The following PDE10A variants were observed in gnomAD, a reference collection of about 807,000 sequenced individuals.
PDE10A encodes cAMP and cAMP-inhibited cGMP 3',5'-cyclic phosphodiesterase 10A.
PDE10A carries 39 observed loss-of-function variants against 97.7 expected under a neutral mutation model. The observed-to-expected ratio is 0.40, with a 90% confidence interval of 0.31 to 0.52. The LOEUF (loss-of-function observed/expected upper bound fraction) is 0.52, where lower values mean the gene tolerates loss of function less well. Among genes scored for constraint, PDE10A ranks in the 20% least tolerant of loss-of-function variants. The pLI is 0.56. For missense variants in PDE10A, 731 were observed against 1,047.8 expected, an observed-to-expected ratio of 0.70 and a Z score of 4.17; for synonymous variants, 371 against 376.8, an observed-to-expected ratio of 0.98 and a Z score of 0.18.
At chr6:165,911,960 AG>A (rs1218129120) in intron 1 of PDE10A, among the ~76,000 whole-genome samples, 13 of 152,110 alleles carry the variant, frequency 8.5e-5, no homozygotes, top group Non-Finnish European at 1.6e-4. Context: ...GTGGATATGA[AG>A]AATCTATAGA....
chr6:165,520,222 T>A (rs1485819176), intron 2 of PDE10A, among the ~76,000 whole-genome samples: 1 of 152,160 alleles, frequency 6.6e-6, no homozygotes, highest in Non-Finnish European at 1.5e-5. Context: ...AAAGGAAGAA[T>A]AGTTTGAAGC....
intron 1 of PDE10A, among the ~76,000 whole-genome samples, chr6:165,972,017 G>A (rs1231064273): frequency 6.6e-6 from 1 of 152,138 alleles, no homozygotes; most frequent in Admixed American, 6.5e-5. Context: ...AATAACAGAG[G>A]CTGCAGTCCA....
intron 1 of PDE10A, among the ~76,000 whole-genome samples, chr6:165,759,157 A>G (rs1016845861): frequency 3.3e-5 from 5 of 151,320 alleles, no homozygotes; most frequent in African/African-American, 1.2e-4. Flanking sequence ...AATATGAGGG[A>G]CTCTTTTCTG....
chr6:165,691,062 ACTCT>A (rs796474446), intron 1 of PDE10A, among the ~76,000 whole-genome samples: 1 of 102,316 alleles, frequency 9.8e-6, no homozygotes, highest in East Asian at 3.8e-4. Context: ...TTACAGTAAT[ACTCT>A]CTCTCTCTTT....
At chr6:165,369,293 G>T (rs1271880897) in intron 18 of PDE10A, among the ~76,000 whole-genome samples, 1 of 151,830 alleles carries the variant, frequency 6.6e-6, no homozygotes, top group Non-Finnish European at 1.5e-5. Flanking sequence ...GCTACGGGAG[G>T]ACATTCAAAC....
Position 165,708,040 on chromosome 6 carries a change from C to T in PDE10A, c.-614-164472G>A, listed in dbSNP as rs552599229. Among the ~76,000 whole-genome samples, 3 of 152,286 alleles carry T rather than the reference C, an allele frequency of 2.0e-5. No individual in the cohort carries two copies. In the South Asian group the frequency reaches 6.2e-4, roughly 32 times the overall value. ...CACAAACCAACCCTCTTGACTTCTG[C>T]CTCCTTGCCAGCTATCCTTCCATTT... On this transcript the variant is annotated intron_variant, in intron 1 of 19. Coordinates refer to the PDE10A transcript ENST00000366882.
intron 1 of PDE10A, among the ~76,000 whole-genome samples, chr6:165,728,555 T>C (rs1792353683): frequency 6.6e-6 from 1 of 152,168 alleles, no homozygotes; most frequent in African/African-American, 2.4e-5. Flanking sequence ...CCACGCAAGA[T>C]GGCAATATGA....
rs143692543 is a variant in PDE10A at position 165,392,616 on chromosome 6, G to A, written c.2454+30C>T. The A allele has an allele frequency of 2.9e-4, 470 of 1,595,878 alleles. 3 individuals carry two copies. The African/African-American group carries it at 4.8e-3, about 16-fold the overall frequency. On this transcript the variant is annotated intron_variant, in intron 16 of 21. Coordinates refer to ENST00000539869, the MANE Select transcript of PDE10A (RefSeq NM_001385079.1). ...ACAGTATTAAATCCACTGAGGTTAC[G>A]AGAAACAGAGGTAAAGAGTGCACAC... is the stretch of plus-strand genomic sequence containing the variant.
chr6:165,370,097 A>G lies in PDE10A; in HGVS notation c.2783+9097T>C, dbSNP rs547640501. Reference sequence around the variant, plus strand: ...GAAGGAAGCACTAAACATGGAAAGGAACAACCGGTACAGCCGCTGCAAAAT... The same window carrying G: ...GAAGGAAGCACTAAACATGGAAAGGGACAACCGGTACAGCCGCTGCAAAAT... On this transcript the variant is annotated intron_variant, in intron 18 of 21. Coordinates refer to ENST00000539869, the MANE Select transcript of PDE10A (RefSeq NM_001385079.1). Among the ~76,000 whole-genome samples the G allele has an allele frequency of 3.1e-3, 477 of 152,344 alleles. 8 individuals are homozygous for G. The highest frequency in any genetic ancestry group is 0.027 in the Admixed American group (414 of 15,298).
At chr6:165,556,912 G>C (rs1360877388) in intron 1 of PDE10A, among the ~76,000 whole-genome samples, 1 of 152,178 alleles carries the variant, frequency 6.6e-6, no homozygotes, top group Non-Finnish European at 1.5e-5. Context: ...GGCTGAGGCA[G>C]GTGGATCACC....
chr6:165,501,365 T>C (rs961939926), intron 2 of PDE10A, among the ~76,000 whole-genome samples: 2 of 152,008 alleles, frequency 1.3e-5, no homozygotes, highest in East Asian at 1.9e-4. Context: ...ATCGAGACCA[T>C]CCTGGCTAAC....
At chr6:165,632,100 T>C (rs1281500098) in intron 1 of PDE10A, among the ~76,000 whole-genome samples, 2 of 145,286 alleles carry the variant, frequency 1.4e-5, no homozygotes, top group Non-Finnish European at 3.0e-5. Context: ...CTTGGGAGGC[T>C]GAGGCAGGAG....
At position 165,696,611 on chromosome 6, in the gene PDE10A, G is replaced by C. The variant is rs367592771; in HGVS notation, c.-614-153043C>G. ...CTCTATCTGAAATGTTCAGTTTCAA[G>C]TGAACAACTATGAGATATGTAAGGA... On this transcript the variant is annotated intron_variant, in intron 1 of 19. Coordinates refer to the PDE10A transcript ENST00000366882. Among the ~76,000 whole-genome samples the C allele has an allele frequency of 2.2e-4, 34 of 152,282 alleles. No individual in the cohort carries two copies. The East Asian group carries it at 4.2e-3, about 19-fold the overall frequency.
intron 3 of PDE10A, among the ~76,000 whole-genome samples, chr6:165,478,255 G>T (rs1779403744): frequency 6.6e-6 from 1 of 152,062 alleles, no homozygotes; most frequent in South Asian, 2.1e-4. Context: ...CAAAAAAGTT[G>T]GGAGTCATTA....
At chr6:165,500,666 C>A (rs914091200) in intron 2 of PDE10A, among the ~76,000 whole-genome samples, 1 of 152,092 alleles carries the variant, frequency 6.6e-6, no homozygotes, top group Non-Finnish European at 1.5e-5. Context: ...CCAGCCAACA[C>A]CCATAAAGGG....
rs1309779165 is a variant in PDE10A, at chr6:165,330,811, T to C, written c.*2214A>G. On this transcript the variant is annotated 3_prime_UTR_variant, in exon 22 of 22. Coordinates refer to ENST00000539869, the MANE Select transcript of PDE10A (RefSeq NM_001385079.1). ...AATTAAACAATAATCTTAAATAATA[T>C]ATCCCTTCCTGAAATTCCATCTCCA... is the stretch of plus-strand genomic sequence containing the variant. The C allele has an allele frequency of 1.3e-5, 2 of 152,198 alleles. No homozygotes were observed. Among genetic ancestry groups the C allele is most frequent in the African/African-American group, 4.8e-5 (2 of 41,464 alleles). The allele number at this position is 152,198 out of a possible 1,614,324, so 9.4% of individuals were successfully genotyped here.
chr6:165,710,842 T>G (rs1228936746), intron 1 of PDE10A, among the ~76,000 whole-genome samples: 1 of 152,244 alleles, frequency 6.6e-6, no homozygotes, highest in Non-Finnish European at 1.5e-5. Flanking sequence ...GAAAAATCAC[T>G]TAAAACCATG....
intron 1 of PDE10A, among the ~76,000 whole-genome samples, chr6:165,745,645 T>A (rs1488847403): frequency 1.3e-5 from 2 of 152,240 alleles, no homozygotes; most frequent in African/African-American, 4.8e-5. Flanking sequence ...AAACTTGGCT[T>A]ATTAACTACA....
At chr6:165,778,168 G>A (rs73261230) in intron 1 of PDE10A, among the ~76,000 whole-genome samples, 10,303 of 151,838 alleles carry the variant, frequency 0.068, 1,106 homozygotes, top group African/African-American at 0.23. Flanking sequence ...TCTGCCTCCC[G>A]GGTTCACGCT....
Sources: allele counts gnomAD v4.1 joint callset (sites outside exome capture counted in the v4.1 genomes callset), GRCh38; gene constraint gnomAD v4.1.1; transcripts MANE v1.5; gene names NCBI Gene and HGNC (gene_info 2026-07-23, HGNC 2026-07-21).